Variants in ATG7 observed in about 807,000 individuals in gnomAD.
ATG7 encodes ubiquitin-like modifier-activating enzyme ATG7.
ATG7 carries 70 observed loss-of-function variants against 82.4 expected under a neutral mutation model. The ratio of observed to expected loss-of-function variants is 0.85; its 90% CI spans 0.70 to 1.04. The LOEUF (loss-of-function observed/expected upper bound fraction) is 1.04, where lower values mean the gene tolerates loss of function less well. ATG7 is among the 50% of genes least tolerant of loss of function. The pLI is 0.00. For synonymous variants in ATG7, 287 were observed against 313.0 expected, an observed-to-expected ratio of 0.92 and a Z score of 0.88; for missense variants, 792 against 864.3, an observed-to-expected ratio of 0.92 and a Z score of 1.05.
chr3:11,446,081 A>G (rs1441255378), intron 20 of ATG7, among the ~76,000 whole-genome samples: 3 of 151,708 alleles, frequency 2.0e-5, no homozygotes, highest in Non-Finnish European at 2.9e-5. Context: ...CTAATCCCAG[A>G]TGTTTGACTT....
intron 8 of ATG7, among the ~76,000 whole-genome samples, chr3:11,314,865 G>C (rs1949173709): frequency 6.6e-6 from 1 of 152,210 alleles, no homozygotes. Context: ...ATTGAGCCCA[G>C]GAGGTCGAGG....
chr3:11,554,111 G>C (rs61275424), intron 20 of ATG7, among the ~76,000 whole-genome samples: 33,582 of 152,200 alleles, frequency 0.22, 4,056 homozygotes, highest in African/African-American at 0.28. Context: ...GTGTCGGCCA[G>C]GGTGGCTCTT....
At chr3:11,489,372 T>G (rs1241139369) in intron 20 of ATG7, among the ~76,000 whole-genome samples, 2 of 152,168 alleles carry the variant, frequency 1.3e-5, no homozygotes, top group Non-Finnish European at 2.9e-5. Context: ...TTCTCTCTTT[T>G]CTTCTTTATT....
chr3:11,479,460 A>G (rs547380247), intron 20 of ATG7, among the ~76,000 whole-genome samples: 4 of 152,270 alleles, frequency 2.6e-5, no homozygotes, highest in South Asian at 4.1e-4. Flanking sequence ...ACAAAATCCA[A>G]ACATCGTAAA....
intron 20 of ATG7, among the ~76,000 whole-genome samples, chr3:11,435,335 C>T (rs1348123468): frequency 6.6e-6 from 1 of 152,154 alleles, no homozygotes; most frequent in Non-Finnish European, 1.5e-5. Context: ...TAACTTACCT[C>T]CTTCACCAGA....
chr3:11,528,361 A>G (rs951557466), intron 20 of ATG7, among the ~76,000 whole-genome samples: 4 of 152,164 alleles, frequency 2.6e-5, no homozygotes, highest in African/African-American at 9.7e-5. Flanking sequence ...CTTCAGAGGA[A>G]TCGCAGTCAG....
At position 11,322,906 on chromosome 3, in the gene ATG7, A is replaced by G. The variant is rs1291827959; in HGVS notation, c.678+7413A>G. On this transcript the variant is annotated intron_variant, in intron 9 of 20. Transcript: ENST00000693202. Reference sequence around the variant, plus strand: ...TTGAGGCCAGGAGTTCAAGACCAGCATGGGCAACATAGCAGGGCTCTGTCT... The same window carrying G: ...TTGAGGCCAGGAGTTCAAGACCAGCGTGGGCAACATAGCAGGGCTCTGTCT... Among the ~76,000 whole-genome samples, 5 of 152,176 alleles carry G rather than the reference A, an allele frequency of 3.3e-5. No individual in the cohort carries two copies. The East Asian group carries it at 9.6e-4, about 29-fold the overall frequency.
chr3:11,559,214 T>C, downstream of ATG7: 1 of 1,424,180 alleles, frequency 7.0e-7, no homozygotes, highest in Non-Finnish European at 9.2e-7. Flanking sequence ...AGAAATACTT[T>C]TTCAACCTCA....
chr3:11,360,123 G>A (rs921380946), intron 15 of ATG7, among the ~76,000 whole-genome samples: 1 of 152,318 alleles, frequency 6.6e-6, no homozygotes, highest in South Asian at 2.1e-4. Flanking sequence ...TCGGCTCACT[G>A]CAAACTCCAT....
At chr3:11,295,561 A>C (rs545626862) in intron 3 of ATG7, among the ~76,000 whole-genome samples, 4 of 152,228 alleles carry the variant, frequency 2.6e-5, no homozygotes. Context: ...AGCAATCTAC[A>C]ATGAAATTGC....
chr3:11,562,988 C>T, the ATG7 span, among the ~76,000 whole-genome samples: 1 of 152,220 alleles, frequency 6.6e-6, no homozygotes, highest in Non-Finnish European at 1.5e-5. Context: ...GAGAGGGAGA[C>T]AGGGTAAAGA....
rs572729544 is a variant in ATG7 at position 11,463,284 on chromosome 3, G to T, written c.2079+36358G>T. 1.2e-4 allele frequency among the ~76,000 whole-genome samples: 18 copies of T among 152,280 alleles called. No individual in the cohort carries two copies. In the South Asian group the frequency reaches 3.5e-3, roughly 30 times the overall value. On this transcript the variant is annotated intron_variant, in intron 20 of 20. Coordinates refer to ENST00000693202, the MANE Select transcript of ATG7 (RefSeq NM_001349232.2). ...AAATTCAGCCTTTGTAAGCTTGAGA[G>T]GACTCAGGTTGCTGACCAAAAGCAG...
intron 20 of ATG7, among the ~76,000 whole-genome samples, chr3:11,437,574 T>C (rs2083475213): frequency 2.0e-5 from 3 of 152,188 alleles, no homozygotes; most frequent in Admixed American, 1.3e-4. Context: ...CACAGGATTT[T>C]TCCCCCAAGA....
At chr3:11,442,085 G>C (rs1356706390) in intron 20 of ATG7, among the ~76,000 whole-genome samples, 8 of 152,194 alleles carry the variant, frequency 5.3e-5, no homozygotes, top group Non-Finnish European at 2.9e-5. Flanking sequence ...TTACAGGTGT[G>C]GGCCATCACA....
intron 18 of ATG7, among the ~76,000 whole-genome samples, chr3:11,378,652 T>A (rs1157358679): frequency 8.1e-6 from 1 of 122,934 alleles, no homozygotes; most frequent in Admixed American, 1.1e-4. Context: ...ACCACTGTAC[T>A]CCAGCCTGGG....
At chr3:11,275,637 C>T (rs1406025919) in intron 1 of ATG7, among the ~76,000 whole-genome samples, 4 of 151,280 alleles carry the variant, frequency 2.6e-5, no homozygotes, top group African/African-American at 2.4e-5. Flanking sequence ...AGATTACAGG[C>T]GTGAGCCACC....
intron 14 of ATG7, among the ~76,000 whole-genome samples, chr3:11,353,631 T>A (rs947317507): frequency 6.6e-6 from 1 of 152,022 alleles, no homozygotes; most frequent in African/African-American, 2.4e-5. Context: ...CTCTCCACAT[T>A]AATGAGTGAG....
Position 11,501,432 on chromosome 3 carries a change from T to C in ATG7, c.2080-53379T>C, listed in dbSNP as rs1258398160. On this transcript the variant is annotated intron_variant, in intron 20 of 20. Coordinates refer to ENST00000693202, the MANE Select transcript of ATG7 (RefSeq NM_001349232.2). ...CTGAGAAGTTTCTATTTCAGTGTTA[T>C]TTTTGAGTGGTACAGAAAAATCTAC... is the stretch of plus-strand genomic sequence containing the variant. 2.6e-5 allele frequency among the ~76,000 whole-genome samples: 4 copies of C among 152,142 alleles called. No homozygotes were observed. The East Asian group carries it at 7.7e-4, about 29-fold the overall frequency.
intron 20 of ATG7, among the ~76,000 whole-genome samples, chr3:11,554,476 T>TG (rs1253354226): frequency 6.6e-6 from 1 of 151,416 alleles, no homozygotes; most frequent in Non-Finnish European, 1.5e-5. Context: ...TGGCTTGGGG[T>TG]GGGGGTGAGT....
Sources: gnomAD v4.1 joint callset for allele counts (sites outside exome capture counted in the v4.1 genomes callset) on GRCh38, gnomAD v4.1.1 for gene constraint, MANE v1.5 for transcripts, NCBI Gene and HGNC (gene_info 2026-07-23, HGNC 2026-07-21) for gene names.